Variants in HDAC9 observed in about 807,000 individuals in gnomAD.
HDAC9 encodes the protein MEF-2 interacting transcription repressor (MITR) protein.
Under a neutral mutation model 139.4 loss-of-function variants are expected in HDAC9, and 41 were observed. The ratio of observed to expected loss-of-function variants is 0.29; its 90% CI spans 0.23 to 0.38. HDAC9 has a LOEUF of 0.38. Among genes scored for constraint, HDAC9 ranks in the 10% least tolerant of loss-of-function variants. The probability of loss-of-function intolerance (pLI) is 1.00; values close to 1 mark genes in which losing one functional copy is unlikely to be tolerated. For missense variants in HDAC9, 1,147 were observed against 1,297.0 expected, an observed-to-expected ratio of 0.88 and a Z score of 1.78; for synonymous variants, 517 against 476.2, an observed-to-expected ratio of 1.09 and a Z score of -1.12.
intron 21 of HDAC9, among the ~76,000 whole-genome samples, chr7:18,855,937 C>G (rs142599222): frequency 7.9e-5 from 12 of 152,214 alleles, no homozygotes; most frequent in Non-Finnish European, 1.0e-4. Context: ...TAATTGTAAG[C>G]ATTACAGCCT....
chr7:18,739,853 C>A (rs1787283960), intron 13 of HDAC9, among the ~76,000 whole-genome samples: 1 of 152,230 alleles, frequency 6.6e-6, no homozygotes, highest in African/African-American at 2.4e-5. Flanking sequence ...TCCTTTTGTT[C>A]AGCTATGCCC....
At chr7:18,453,371 A>G (rs1207840307) in intron 1 of HDAC9, among the ~76,000 whole-genome samples, 1 of 152,224 alleles carries the variant, frequency 6.6e-6, no homozygotes, top group Non-Finnish European at 1.5e-5. Flanking sequence ...ATTTAGTTAA[A>G]CAGATCAAGG....
At chr7:18,329,561 A>AC (rs1800747597) in intron 1 of HDAC9, among the ~76,000 whole-genome samples, 1 of 151,728 alleles carries the variant, frequency 6.6e-6, no homozygotes. Flanking sequence ...TCTCCAAAAA[A>AC]AAAAAAAACA....
At chr7:18,471,698 GT>G (rs1034300852) in intron 1 of HDAC9, among the ~76,000 whole-genome samples, 5 of 152,178 alleles carry the variant, frequency 3.3e-5, no homozygotes, top group Non-Finnish European at 7.3e-5. Flanking sequence ...CTGTGTGCCA[GT>G]TTTTAATTCT....
At chr7:18,549,395 C>T (rs909874661) in intron 2 of HDAC9, among the ~76,000 whole-genome samples, 9 of 152,160 alleles carry the variant, frequency 5.9e-5, no homozygotes, top group Non-Finnish European at 1.3e-4. Flanking sequence ...AAACAATAAA[C>T]ATTCACAGTG....
chr7:18,866,376 C>T (rs1427384661), intron 21 of HDAC9, among the ~76,000 whole-genome samples: 2 of 152,060 alleles, frequency 1.3e-5, no homozygotes, highest in Non-Finnish European at 2.9e-5. Context: ...GGCAAGAGAT[C>T]AGGGACTTTG....
intron 6 of HDAC9, among the ~76,000 whole-genome samples, chr7:18,596,492 A>T (rs1562509741): frequency 6.6e-6 from 1 of 152,142 alleles, no homozygotes; most frequent in African/African-American, 2.4e-5. Context: ...GTTGTCAAAT[A>T]ATTTTTACTT....
chr7:18,822,000 G>C (rs550137372), intron 17 of HDAC9, among the ~76,000 whole-genome samples: 2 of 152,090 alleles, frequency 1.3e-5, no homozygotes, highest in East Asian at 3.9e-4. Flanking sequence ...AGCTTCCATT[G>C]CCTCTCCAAG....
chr7:18,316,447 CT>C (rs1336660352), intron 1 of HDAC9, among the ~76,000 whole-genome samples: 1 of 151,884 alleles, frequency 6.6e-6, no homozygotes, highest in African/African-American at 2.4e-5. Context: ...TGGTTTTGTG[CT>C]GCATTGTGAC....
intron 1 of HDAC9, among the ~76,000 whole-genome samples, chr7:18,147,321 A>G (rs1486611308): frequency 3.3e-5 from 5 of 152,216 alleles, no homozygotes; most frequent in Admixed American, 1.3e-4. Flanking sequence ...AAATAAAAAT[A>G]CACTGCTTGT....
At chr7:18,778,170 C>G (rs952316163) in intron 16 of HDAC9, among the ~76,000 whole-genome samples, 1 of 151,880 alleles carries the variant, frequency 6.6e-6, no homozygotes, top group Non-Finnish European at 1.5e-5. Flanking sequence ...ACTCCTTTCC[C>G]AAGTGAGAAT....
intron 1 of HDAC9, among the ~76,000 whole-genome samples, chr7:18,149,559 A>T (rs563592635): frequency 4.9e-4 from 73 of 148,566 alleles, no homozygotes; most frequent in South Asian, 4.0e-3. Flanking sequence ...ATTTATTATT[A>T]TTTTTTTTTG....
chr7:18,139,372 C>T (rs1201525637), intron 1 of HDAC9, among the ~76,000 whole-genome samples: 2 of 152,152 alleles, frequency 1.3e-5, no homozygotes, highest in Non-Finnish European at 2.9e-5. Context: ...AGCAGTCCTC[C>T]TGTCTTGGCC....
chr7:18,353,937 C>T (rs1783054049), intron 1 of HDAC9, among the ~76,000 whole-genome samples: 1 of 152,100 alleles, frequency 6.6e-6, no homozygotes, highest in Non-Finnish European at 1.5e-5. Context: ...ACAATCTGAA[C>T]AGTGTGACCT....
chr7:18,458,320 T>G (rs1042817800), intron 1 of HDAC9, among the ~76,000 whole-genome samples: 1 of 152,212 alleles, frequency 6.6e-6, no homozygotes, highest in African/African-American at 2.4e-5. Context: ...CTTGGTAACT[T>G]AGATGAGCAT....
chr7:18,826,527 G>A (rs1161650432), intron 17 of HDAC9, among the ~76,000 whole-genome samples: 2 of 152,100 alleles, frequency 1.3e-5, no homozygotes, highest in African/African-American at 2.4e-5. Context: ...CTAAGATTAA[G>A]CAGTTTCAGA....
chr7:18,833,174 T>C (rs1324949351), intron 19 of HDAC9, among the ~76,000 whole-genome samples: 1 of 152,270 alleles, frequency 6.6e-6, no homozygotes, highest in Non-Finnish European at 1.5e-5. Flanking sequence ...AATGGATTTA[T>C]GTATTTTAAT....
chr7:18,634,361 C>G (rs776392858), intron 7 of HDAC9, among the ~76,000 whole-genome samples: 1 of 150,320 alleles, frequency 6.7e-6, no homozygotes, highest in Non-Finnish European at 1.5e-5. Context: ...ATTCAAAGCT[C>G]CTGTGACCCT....
rs546585857 is a variant in HDAC9 at position 18,495,806 on chromosome 7, T to A, written c.-259T>A. ...CACCGGCTGGAGCCACTTGCAGGACTGAGGGTTTTTGCAACAAAACCCTAG... is the reference window on the plus strand; with the variant it reads ...CACCGGCTGGAGCCACTTGCAGGACAGAGGGTTTTTGCAACAAAACCCTAG... On this transcript the variant is annotated 5_prime_UTR_variant, in exon 1 of 26. Transcript: ENST00000686413. The A allele has an allele frequency of 3.1e-4, 317 of 1,010,242 alleles. No individual in the cohort carries two copies. The African/African-American group carries it at 5.2e-3, about 17-fold the overall frequency. The allele number at this position is 1,010,242 out of a possible 1,614,324, so 62.6% of individuals were successfully genotyped here. A position where few individuals can be genotyped will look rare whatever the true frequency, so the allele number is the denominator to read the frequency against.
Sources: gnomAD v4.1 joint callset for allele counts (sites outside exome capture counted in the v4.1 genomes callset) on GRCh38, gnomAD v4.1.1 for gene constraint, MANE v1.5 for transcripts, NCBI Gene and HGNC (gene_info 2026-07-23, HGNC 2026-07-21) for gene names.